RIT2: variants seen among roughly 807,000 people sequenced by gnomAD.
The protein encoded by RIT2 is Ras like without CAAX 2.
RIT2 carries 24 observed loss-of-function variants against 23.7 expected under a neutral mutation model. The ratio of observed to expected loss-of-function variants is 1.01; its 90% CI spans 0.73 to 1.43. The LOEUF is 1.43. RIT2 is among the 40% of genes most tolerant of loss of function. The pLI is 0.00. For synonymous variants in RIT2, 107 were observed against 91.1 expected, an observed-to-expected ratio of 1.17 and a Z score of -0.99; for missense variants, 236 against 266.9, an observed-to-expected ratio of 0.88 and a Z score of 0.81.
At chr18:43,002,969 A>T (rs2144244228) in intron 2 of RIT2, among the ~76,000 whole-genome samples, 1 of 152,044 alleles carries the variant, frequency 6.6e-6, no homozygotes, top group East Asian at 2.0e-4. Context: ...GAAGGATAGA[A>T]ATATGCTGTG....
At chr18:43,009,414 C>T (rs754270604) in intron 2 of RIT2, among the ~76,000 whole-genome samples, 34 of 151,546 alleles carry the variant, frequency 2.2e-4, no homozygotes, top group Non-Finnish European at 3.5e-4. Context: ...ACTCTCAGGT[C>T]CTATTTGCAG....
intron 4 of RIT2, among the ~76,000 whole-genome samples, chr18:42,770,373 G>A (rs758000477): frequency 4.6e-5 from 7 of 152,270 alleles, no homozygotes; most frequent in East Asian, 1.9e-4. Context: ...GACTACACAC[G>A]TATATTCTTG....
chr18:42,867,763 C>T (rs1907513042), intron 4 of RIT2, among the ~76,000 whole-genome samples: 1 of 152,196 alleles, frequency 6.6e-6, no homozygotes, highest in South Asian at 2.1e-4. Context: ...CACTGCACTA[C>T]AGCCTGGGTA....
intron 4 of RIT2, among the ~76,000 whole-genome samples, chr18:42,874,106 T>A (rs1907687923): frequency 6.6e-6 from 1 of 152,146 alleles, no homozygotes; most frequent in South Asian, 2.1e-4. Context: ...CCCTGAATTA[T>A]TGAGTATGAA....
At chr18:42,862,232 CTGATGGT>C (rs1907347108) in intron 4 of RIT2, among the ~76,000 whole-genome samples, 1 of 151,952 alleles carries the variant, frequency 6.6e-6, no homozygotes, top group Non-Finnish European at 1.5e-5. Context: ...CTCATGAGAT[CTGATGGT>C]TTAAAAGTGG....
chr18:42,744,078 G>C (rs183404634), intron 4 of RIT2, among the ~76,000 whole-genome samples: 5 of 152,062 alleles, frequency 3.3e-5, no homozygotes, highest in Admixed American at 3.3e-4. Flanking sequence ...GGCTCAAAAA[G>C]CTCCCCCACT....
At chr18:42,975,573 A>G (rs1910460202) in intron 2 of RIT2, among the ~76,000 whole-genome samples, 1 of 152,086 alleles carries the variant, frequency 6.6e-6, no homozygotes, top group African/African-American at 2.4e-5. Flanking sequence ...AGATAGTGAT[A>G]ATGGCAAGGT....
At chr18:43,074,922 CG>C (rs1425132842) in intron 1 of RIT2, among the ~76,000 whole-genome samples, 1 of 152,078 alleles carries the variant, frequency 6.6e-6, no homozygotes, top group Non-Finnish European at 1.5e-5. Context: ...GGGAGAGCAT[CG>C]GGAAAAATAG....
intron 3 of RIT2, among the ~76,000 whole-genome samples, chr18:42,941,877 A>T (rs139114065): frequency 5.1e-4 from 78 of 152,260 alleles, no homozygotes; most frequent in African/African-American, 1.8e-3. Context: ...AAAGGAGACA[A>T]ACTAAGGAAC....
At chr18:43,111,334 G>A (rs575840196) in intron 1 of RIT2, among the ~76,000 whole-genome samples, 14 of 152,164 alleles carry the variant, frequency 9.2e-5, no homozygotes, top group South Asian at 2.1e-4. Context: ...GATGGTTAAT[G>A]GGTACAAAAT....
At chr18:42,978,461 A>T (rs1329330853) in intron 2 of RIT2, among the ~76,000 whole-genome samples, 1 of 152,014 alleles carries the variant, frequency 6.6e-6, no homozygotes, top group African/African-American at 2.4e-5. Context: ...CTTTGAGACC[A>T]CCCATGCAGA....
intron 4 of RIT2, among the ~76,000 whole-genome samples, chr18:42,824,449 T>G (rs1017934022): frequency 6.6e-6 from 1 of 152,044 alleles, no homozygotes; most frequent in African/African-American, 2.4e-5. Context: ...TCATAGCTAT[T>G]TTTGACACTC....
intron 4 of RIT2, among the ~76,000 whole-genome samples, chr18:42,824,853 T>C (rs1393769480): frequency 6.6e-6 from 1 of 151,858 alleles, no homozygotes; most frequent in Non-Finnish European, 1.5e-5. Flanking sequence ...GAGCACATAC[T>C]ATCAAGACTT....
chr18:42,860,043 C>G (rs374696195), intron 4 of RIT2, among the ~76,000 whole-genome samples: 2 of 152,146 alleles, frequency 1.3e-5, no homozygotes, highest in Non-Finnish European at 2.9e-5. Context: ...GACAGTTGCA[C>G]AGTTGAACAA....
intron 4 of RIT2, among the ~76,000 whole-genome samples, chr18:42,826,066 C>T (rs961399145): frequency 1.3e-5 from 2 of 152,000 alleles, no homozygotes; most frequent in African/African-American, 2.4e-5. Context: ...TTCCTTTAAT[C>T]GGTTGTGACA....
At chr18:42,939,893 G>C (rs1330876872) in intron 3 of RIT2, among the ~76,000 whole-genome samples, 2 of 151,914 alleles carry the variant, frequency 1.3e-5, no homozygotes, top group South Asian at 2.1e-4. Flanking sequence ...ATAATGACTA[G>C]AGCCAGACGG....
At chr18:43,036,294 C>A (rs906271577) in intron 1 of RIT2, among the ~76,000 whole-genome samples, 1 of 152,196 alleles carries the variant, frequency 6.6e-6, no homozygotes, top group Non-Finnish European at 1.5e-5. Context: ...AATCCTAGCG[C>A]TTTGGGAGGC....
chr18:42,746,939 C>G (rs535603580), intron 4 of RIT2, among the ~76,000 whole-genome samples: 1 of 151,988 alleles, frequency 6.6e-6, no homozygotes, highest in Non-Finnish European at 1.5e-5. Flanking sequence ...AACTCACAGC[C>G]GATGTAGCAC....
intron 4 of RIT2, among the ~76,000 whole-genome samples, chr18:42,777,995 C>G (rs1913714030): frequency 6.6e-6 from 1 of 152,144 alleles, no homozygotes. Flanking sequence ...CCTATTGATC[C>G]TCTTTGCATA....
Sources: gnomAD v4.1 joint callset for allele counts (sites outside exome capture counted in the v4.1 genomes callset) on GRCh38, gnomAD v4.1.1 for gene constraint, MANE v1.5 for transcripts, NCBI Gene and HGNC (gene_info 2026-07-23, HGNC 2026-07-21) for gene names.